Variants in CFAP299 observed in about 807,000 individuals in gnomAD.
The protein encoded by CFAP299 is cilia and flagella associated protein 299, also known as cilia- and flagella-associated protein 299.
A neutral mutation model predicts 27.0 loss-of-function variants in CFAP299; 21 were observed. The ratio of observed to expected loss-of-function variants is 0.78; its 90% CI spans 0.55 to 1.12. The LOEUF is 1.12. Ranked by LOEUF, CFAP299 falls within the 50% of genes most tolerant of loss-of-function variation. The pLI, the probability that CFAP299 is intolerant of heterozygous loss-of-function variation, is 0.00. For synonymous variants in CFAP299, 104 were observed against 98.1 expected, an observed-to-expected ratio of 1.06 and a Z score of -0.36; for missense variants, 310 against 276.6, an observed-to-expected ratio of 1.12 and a Z score of -0.86.
chr4:80,871,073 CT>C (rs1209059128), intron 4 of CFAP299: 3 of 465,076 alleles, frequency 6.5e-6, no homozygotes, highest in African/African-American at 6.4e-5. Context: ...CGTCTGGATA[CT>C]TTTTGTATTT....
chr4:80,733,524 A>C (rs948829778), intron 3 of CFAP299, among the ~76,000 whole-genome samples: 1 of 152,068 alleles, frequency 6.6e-6, no homozygotes, highest in African/African-American at 2.4e-5. Flanking sequence ...CTATAGTCAC[A>C]TATTGTGCTA....
In CFAP299 at chr4:80,613,599, A is replaced by G. The variant is rs569898859; in HGVS notation, c.333+30416A>G. On this transcript the variant is annotated intron_variant, in intron 3 of 5. Transcript: ENST00000358105. ...TGACTTTTATGTTTTATTGCTATGC[A>G]TGCATACCACATAGCAGTGTTCTAC... Among the ~76,000 whole-genome samples, 6 of 152,272 alleles carry G rather than the reference A, an allele frequency of 3.9e-5. No individual in the cohort carries two copies. The South Asian group carries it at 6.2e-4, about 16-fold the overall frequency.
chr4:80,832,050 T>C (rs563335427), intron 3 of CFAP299, among the ~76,000 whole-genome samples: 136 of 152,294 alleles, frequency 8.9e-4, no homozygotes, highest in African/African-American at 3.2e-3. Flanking sequence ...GTGTCAGATT[T>C]GTTTTCCTGT....
intron 3 of CFAP299, among the ~76,000 whole-genome samples, chr4:80,846,676 C>A (rs1158396685): frequency 6.6e-6 from 1 of 151,962 alleles, no homozygotes; most frequent in Non-Finnish European, 1.5e-5. Flanking sequence ...TGGTTTTAAC[C>A]CATAATTAGT....
intron 4 of CFAP299, among the ~76,000 whole-genome samples, chr4:80,915,043 A>G (rs1331090699): frequency 6.6e-6 from 1 of 151,602 alleles, no homozygotes; most frequent in Non-Finnish European, 1.5e-5. Flanking sequence ...CTAATATGAG[A>G]ATATTTTTGC....
chr4:80,388,382 G>C (rs1471526512), intron 2 of CFAP299: 10 of 686,496 alleles, frequency 1.5e-5, no homozygotes, highest in Non-Finnish European at 2.7e-5. Context: ...GCAATTGGCA[G>C]GAGGCGAGGC....
chr4:80,431,003 T>C (rs1332952892), intron 2 of CFAP299, among the ~76,000 whole-genome samples: 2 of 152,184 alleles, frequency 1.3e-5, no homozygotes, highest in East Asian at 3.9e-4. Context: ...ACATTCACCT[T>C]CGTGAGACCT....
chr4:80,712,208 C>T lies in CFAP299; in HGVS notation c.333+129025C>T, dbSNP rs150898298. On this transcript the variant is annotated intron_variant, in intron 3 of 5. Coordinates refer to ENST00000358105, the MANE Select transcript of CFAP299 (RefSeq NM_152770.3). ...GTATTTAAGGCATTTGGTTACTGTC[C>T]AACAGCCATACTCTCCTCAGAACCA... Among the ~76,000 whole-genome samples the T allele has an allele frequency of 9.4e-3, 1,436 of 152,216 alleles. 18 individuals carry two copies. Among genetic ancestry groups the T allele is most frequent in the South Asian group, 0.062 (298 of 4,830 alleles).
At chr4:80,470,887 A>C (rs1729959855) in intron 2 of CFAP299, among the ~76,000 whole-genome samples, 1 of 152,224 alleles carries the variant, frequency 6.6e-6, no homozygotes, top group Non-Finnish European at 1.5e-5. Flanking sequence ...TGTCAATTAC[A>C]CAATCAAGCA....
chr4:80,386,376 G>C (rs1724993448), intron 2 of CFAP299: 12 of 1,508,124 alleles, frequency 8.0e-6, no homozygotes, highest in Non-Finnish European at 1.1e-5. Flanking sequence ...CGGCTTGCCC[G>C]GGACGGCCTC....
chr4:80,463,081 C>G (rs1178662111), intron 2 of CFAP299, among the ~76,000 whole-genome samples: 1 of 152,004 alleles, frequency 6.6e-6, no homozygotes, highest in East Asian at 1.9e-4. Flanking sequence ...TGCCTGCTTC[C>G]CCAAAACAGT....
intron 2 of CFAP299, among the ~76,000 whole-genome samples, chr4:80,421,776 T>C (rs1727295626): frequency 6.6e-6 from 1 of 152,196 alleles, no homozygotes; most frequent in Admixed American, 6.5e-5. Flanking sequence ...CTCAAAGAGA[T>C]CTTTTACACA....
At chr4:80,359,107 G>A (rs748732127) in intron 1 of CFAP299, among the ~76,000 whole-genome samples, 2 of 152,008 alleles carry the variant, frequency 1.3e-5, no homozygotes, top group African/African-American at 2.4e-5. Context: ...TGAAATTCTG[G>A]TTTGGATTTT....
At chr4:80,721,124 A>T (rs1207423569) in intron 3 of CFAP299, among the ~76,000 whole-genome samples, 1 of 152,186 alleles carries the variant, frequency 6.6e-6, no homozygotes, top group Non-Finnish European at 1.5e-5. Context: ...AACTTGAAGC[A>T]ACCTAATATA....
chr4:80,572,352 A>T (rs1238297547), intron 2 of CFAP299, among the ~76,000 whole-genome samples: 1 of 151,728 alleles, frequency 6.6e-6, no homozygotes, highest in Non-Finnish European at 1.5e-5. Context: ...GGTAACCATC[A>T]TTCTACTCTC....
At chr4:80,424,616 A>G (rs1727449114) in intron 2 of CFAP299, among the ~76,000 whole-genome samples, 1 of 152,178 alleles carries the variant, frequency 6.6e-6, no homozygotes, top group African/African-American at 2.4e-5. Flanking sequence ...TATGAGTGAT[A>G]ATTGTGTTAC....
intron 3 of CFAP299, among the ~76,000 whole-genome samples, chr4:80,843,767 T>G (rs1388894803): frequency 1.3e-5 from 2 of 151,970 alleles, no homozygotes; most frequent in African/African-American, 2.4e-5. Context: ...TTTTTAATTT[T>G]ATTATTATTA....
At chr4:80,492,916 C>T (rs752105725) in intron 2 of CFAP299, among the ~76,000 whole-genome samples, 23 of 152,014 alleles carry the variant, frequency 1.5e-4, no homozygotes, top group Non-Finnish European at 3.1e-4. Flanking sequence ...AGTGAGAGCC[C>T]GATAAAGGAG....
At chr4:80,948,380 A>C (rs1405858967) in intron 5 of CFAP299, among the ~76,000 whole-genome samples, 3 of 152,160 alleles carry the variant, frequency 2.0e-5, no homozygotes, top group Admixed American at 6.6e-5. Context: ...GCTGTATAAC[A>C]TCTGGAACAA....
Sources: allele counts gnomAD v4.1 joint callset (sites outside exome capture counted in the v4.1 genomes callset), GRCh38; gene constraint gnomAD v4.1.1; transcripts MANE v1.5; gene names NCBI Gene and HGNC (gene_info 2026-07-23, HGNC 2026-07-21).